The following APCDD1L variants were observed in gnomAD, a reference collection of about 807,000 sequenced individuals.
The protein encoded by APCDD1L is protein APCDD1-like.
APCDD1L carries 21 observed loss-of-function variants against 24.2 expected under a neutral mutation model. That is an observed-to-expected ratio of 0.87 (90% CI 0.61 to 1.25). APCDD1L has a LOEUF of 1.25. Among genes scored for constraint, APCDD1L ranks in the 50% most tolerant of loss-of-function variants. APCDD1L has a pLI of 0.00. For missense variants in APCDD1L, 704 were observed against 711.7 expected, an observed-to-expected ratio of 0.99 and a Z score of 0.12; for synonymous variants, 321 against 323.6, an observed-to-expected ratio of 0.99 and a Z score of 0.09.
intron 1 of APCDD1L, among the ~76,000 whole-genome samples, chr20:58,509,292 A>AAATT (rs1990583969): frequency 6.6e-6 from 1 of 152,148 alleles, no homozygotes; most frequent in Non-Finnish European, 1.5e-5. Context: ...GGCTTTACTC[A>AAATT]GGGGTACTAA....
chr20:58,468,317 G>T (rs1459727005), intron 2 of APCDD1L, among the ~76,000 whole-genome samples: 1 of 152,138 alleles, frequency 6.6e-6, no homozygotes, highest in African/African-American at 2.4e-5. Context: ...TTACAAAAAT[G>T]GGAAGTGGGC....
intron 1 of APCDD1L, among the ~76,000 whole-genome samples, chr20:58,475,336 C>T (rs150146900): frequency 6.1e-4 from 93 of 152,238 alleles, no homozygotes; most frequent in African/African-American, 2.1e-3. Flanking sequence ...AGGCGCGAAG[C>T]GAGCACTTCG....
At chr20:58,505,464 G>A (rs1287260040) in intron 1 of APCDD1L, among the ~76,000 whole-genome samples, 1 of 152,082 alleles carries the variant, frequency 6.6e-6, no homozygotes, top group Non-Finnish European at 1.5e-5. Flanking sequence ...ATTCCTTCAA[G>A]ATGTATTTAA....
At position 58,467,279 on chromosome 20, in the gene APCDD1L, C is replaced by A. The variant is rs769567351; in HGVS notation, c.568G>T (p.Gly190Cys). 1.9e-6 allele frequency: 3 copies of A among 1,558,616 alleles called. No homozygotes were observed. The Admixed American group carries it at 5.5e-5, about 29-fold the overall frequency. The part of the protein sequence containing the change: ...RAQGDCLEAL[G>C]LTMHELSLVR... The stretch of plus-strand genomic sequence containing the variant: ...AGGCTGAGCTCGTGCATGGTGAGGC[C>A]CAGCGCCTCCAGGCAGTCCCCCTGA... Residue 190 changes from glycine (G) to cysteine (C), a missense_variant, in exon 3 of 4, where the codon GGC (glycine) becomes TGC (cysteine). Physicochemically the swap from Gly to Cys is radical, Grantham distance 159 (BLOSUM62 -3). Transcript: ENST00000371149. This position sits in a 1 kb window ranked among gnomAD's most constrained non-coding sequence, Gnocchi z 5.9.
intron 1 of APCDD1L, among the ~76,000 whole-genome samples, chr20:58,499,828 G>A (rs1040661248): frequency 1.3e-5 from 2 of 152,076 alleles, no homozygotes; most frequent in African/African-American, 4.8e-5. Flanking sequence ...CTCCCTCTCT[G>A]TCTCTCTTGA....
chr20:58,475,728 C>T (rs900432642), intron 1 of APCDD1L, among the ~76,000 whole-genome samples: 2 of 152,072 alleles, frequency 1.3e-5, no homozygotes, highest in Non-Finnish European at 2.9e-5. Context: ...TCGATCCTTT[C>T]CCAGTCTGGA....
At chr20:58,502,079 C>T (rs1233703312) in intron 1 of APCDD1L, among the ~76,000 whole-genome samples, 2 of 152,188 alleles carry the variant, frequency 1.3e-5, no homozygotes, top group African/African-American at 4.8e-5. Context: ...GTGCTTGTCA[C>T]CATCTGCCAT....
intron 1 of APCDD1L, among the ~76,000 whole-genome samples, chr20:58,512,717 T>G (rs1210745642): frequency 1.3e-5 from 2 of 152,136 alleles, no homozygotes; most frequent in African/African-American, 2.4e-5. Flanking sequence ...TCCTGTTTCC[T>G]TTTACTAAAG....
At chr20:58,511,473 G>T (rs6070489) in intron 1 of APCDD1L, among the ~76,000 whole-genome samples, 1 of 151,994 alleles carries the variant, frequency 6.6e-6, no homozygotes, top group African/African-American at 2.4e-5. Context: ...ATTTCTTCAC[G>T]TGTAGCTTCT....
At chr20:58,503,289 G>T (rs1990476751) in intron 1 of APCDD1L, among the ~76,000 whole-genome samples, 2 of 152,198 alleles carry the variant, frequency 1.3e-5, no homozygotes, top group South Asian at 4.1e-4. Flanking sequence ...TAAAAGCCCA[G>T]GTACTTTCAC....
chr20:58,490,616 GAAGAACCAGTGA>G (rs1299467596), intron 1 of APCDD1L, among the ~76,000 whole-genome samples: 1 of 152,196 alleles, frequency 6.6e-6, no homozygotes, highest in Non-Finnish European at 1.5e-5. Context: ...GGCAGAGTGT[GAAGAACCAGTGA>G]AAGAACCAGT....
intron 3 of APCDD1L, among the ~76,000 whole-genome samples, chr20:58,465,595 G>A (rs867294623): frequency 1.5e-4 from 23 of 152,292 alleles, no homozygotes; most frequent in East Asian, 7.7e-4. Context: ...CCATCTGCTC[G>A]TTTGTGCACT....
chr20:58,475,558 G>A lies in APCDD1L; in HGVS notation c.50-4811C>T, dbSNP rs551247880. ...ATAAGGAGATGTACAAGGGACTCGT[G>A]GGTGTGGTAAATGGCCTGAGGGTGG... On this transcript the variant is annotated intron_variant, in intron 1 of 3. Transcript: ENST00000371149. Among the ~76,000 whole-genome samples, 33 of 152,204 alleles carry A rather than the reference G, an allele frequency of 2.2e-4. No individual in the cohort carries two copies. In the South Asian group the frequency reaches 6.7e-3, roughly 31 times the overall value.
intron 3 of APCDD1L, among the ~76,000 whole-genome samples, chr20:58,466,449 C>G (rs1048223864): frequency 2.6e-5 from 4 of 152,206 alleles, no homozygotes; most frequent in African/African-American, 9.6e-5. Flanking sequence ...AGTGGCTGTG[C>G]GGCTAGGTCA....
intron 1 of APCDD1L, among the ~76,000 whole-genome samples, chr20:58,490,058 G>A (rs1042620185): frequency 6.6e-5 from 10 of 152,094 alleles, no homozygotes; most frequent in African/African-American, 2.4e-4. Flanking sequence ...AGATTGGGTT[G>A]GCTTTGCCTC....
intron 1 of APCDD1L, among the ~76,000 whole-genome samples, chr20:58,483,244 T>A (rs148206545): frequency 4.3e-4 from 65 of 152,012 alleles, no homozygotes; most frequent in African/African-American, 1.5e-3. Flanking sequence ...AGGGTTGTCA[T>A]GGGGAGAGCT....
Position 58,461,361 on chromosome 20 carries a change from T to C in APCDD1L, c.935A>G (p.Glu312Gly), listed in dbSNP as rs1296114321. 1 of 1,576,454 alleles carries C rather than the reference T, an allele frequency of 6.3e-7. No homozygotes were observed. Among genetic ancestry groups the C allele is most frequent in the African/African-American group, 1.3e-5 (1 of 74,290 alleles). ...GTCTGAGAAGTGGTGGTAATACCCT[T>C]CCCAGGAGCGGCTGTGCCCGTGGAA... ...FTFHGHSRSW[E>G]GYYHHFSDPA... is the part of the protein sequence containing the mutation. Residue 312 changes from glutamate to glycine, a missense_variant, in exon 4 of 4, where the codon GAA becomes GGA. Transcript: ENST00000371149. The surrounding 1 kb of genome is among the most constrained non-coding windows in gnomAD (Gnocchi z 6.0).
chr20:58,495,022 C>T (rs1222381338), intron 1 of APCDD1L, among the ~76,000 whole-genome samples: 1 of 152,240 alleles, frequency 6.6e-6, no homozygotes, highest in Non-Finnish European at 1.5e-5. Context: ...GCCCCCTGCA[C>T]TCCTCCATAA....
chr20:58,502,074 T>C (rs929032865), intron 1 of APCDD1L, among the ~76,000 whole-genome samples: 2 of 152,178 alleles, frequency 1.3e-5, no homozygotes, highest in African/African-American at 4.8e-5. Context: ...TCACAGTGCT[T>C]GTCACCATCT....
Sources: allele counts gnomAD v4.1 joint callset (sites outside exome capture counted in the v4.1 genomes callset), GRCh38; gene constraint gnomAD v4.1.1; non-coding constraint Gnocchi (gnomAD v3.1); transcripts MANE v1.5; gene names NCBI Gene and HGNC (gene_info 2026-07-23, HGNC 2026-07-21).